EBF1: variants seen among roughly 807,000 people sequenced by gnomAD.
EBF1 encodes EBF transcription factor 1.
A neutral mutation model predicts 68.4 loss-of-function variants in EBF1; 10 were observed. That is an observed-to-expected ratio of 0.15 (90% CI 0.09 to 0.25). EBF1 has a LOEUF of 0.25. Ranked by LOEUF, EBF1 falls within the 10% of genes least tolerant of loss-of-function variation. The probability of loss-of-function intolerance (pLI) is 1.00; values close to 1 mark genes in which losing one functional copy is unlikely to be tolerated. For missense variants in EBF1, 509 were observed against 794.4 expected, an observed-to-expected ratio of 0.64 and a Z score of 4.32; for synonymous variants, 298 against 299.8, an observed-to-expected ratio of 0.99 and a Z score of 0.06.
chr5:159,084,642 G>A (rs372149408), intron 5 of EBF1, 24 bp downstream of exon 5: 68 of 1,519,212 alleles, frequency 4.5e-5, no homozygotes, highest in Middle Eastern at 1.7e-4. Context: ...GCTAATTAAC[G>A]GGAGAGACCA....
At chr5:158,811,706 ACT>A (rs1561997452) in intron 8 of EBF1, among the ~76,000 whole-genome samples, 1 of 152,238 alleles carries the variant, frequency 6.6e-6, no homozygotes, top group African/African-American at 2.4e-5. Context: ...TTTTATGGAC[ACT>A]GAGTTCTGTT....
intron 6 of EBF1, among the ~76,000 whole-genome samples, chr5:158,990,015 A>G (rs1477622227): frequency 6.6e-6 from 1 of 152,176 alleles, no homozygotes; most frequent in Non-Finnish European, 1.5e-5. Flanking sequence ...AAACACAACA[A>G]CACTTCAGAG....
In EBF1 at chr5:158,996,271, G is replaced by A. The variant is rs115883484; in HGVS notation, c.554+77125C>T. The stretch of plus-strand genomic sequence containing the variant: ...TTTAACCAGATCAACAAACATGTCC[G>A]GGACTTTATAAATAACTTGTAAGCA... On this transcript the variant is annotated intron_variant, in intron 6 of 15. Coordinates refer to ENST00000313708, the MANE Select transcript of EBF1 (RefSeq NM_024007.5). Among the ~76,000 whole-genome samples, 305 of 152,252 alleles carry A rather than the reference G, an allele frequency of 2.0e-3. 1 individual carries two copies. The highest frequency in any genetic ancestry group is 3.6e-3 in the Non-Finnish European group (242 of 68,022).
intron 6 of EBF1, among the ~76,000 whole-genome samples, chr5:158,884,260 T>C (rs1188212473): frequency 1.3e-5 from 2 of 152,216 alleles, no homozygotes; most frequent in Admixed American, 6.5e-5. Context: ...AAGTGAGGCA[T>C]AGTGGAATAA....
chr5:158,869,161 G>A (rs1036410015), intron 6 of EBF1, among the ~76,000 whole-genome samples: 4 of 152,124 alleles, frequency 2.6e-5, no homozygotes, highest in African/African-American at 4.8e-5. Context: ...AACTCTGGCC[G>A]CCGTATGGAA....
At chr5:159,015,893 A>T (rs1246842160) in intron 6 of EBF1, among the ~76,000 whole-genome samples, 2 of 152,232 alleles carry the variant, frequency 1.3e-5, no homozygotes, top group Non-Finnish European at 2.9e-5. Context: ...CACTTAGATT[A>T]CCCATAAAAC....
At chr5:158,701,497 C>A (rs1054371255) in intron 15 of EBF1, among the ~76,000 whole-genome samples, 6 of 152,140 alleles carry the variant, frequency 3.9e-5, no homozygotes, top group Admixed American at 1.3e-4. Context: ...TAGTTAACAG[C>A]GCTTTTTATT....
chr5:159,075,917 C>A (rs1257005737), intron 5 of EBF1, among the ~76,000 whole-genome samples: 1 of 152,182 alleles, frequency 6.6e-6, no homozygotes, highest in African/African-American at 2.4e-5. Flanking sequence ...CGGGCCTCTC[C>A]TCCAACCCTT....
At chr5:159,010,460 C>G (rs4244438) in intron 6 of EBF1, among the ~76,000 whole-genome samples, 40,328 of 151,828 alleles carry the variant, frequency 0.27, 5,621 homozygotes, top group South Asian at 0.44. Flanking sequence ...ATGGTCTATG[C>G]TAGGTTTAAA....
intron 4 of EBF1, among the ~76,000 whole-genome samples, chr5:159,094,193 A>AC (rs1782169237): frequency 7.1e-6 from 1 of 141,836 alleles, no homozygotes; most frequent in African/African-American, 2.7e-5. Context: ...AAAAAAAAAA[A>AC]ACACAGTGTC....
chr5:158,915,164 T>C (rs1329937199), intron 6 of EBF1, among the ~76,000 whole-genome samples: 1 of 152,136 alleles, frequency 6.6e-6, no homozygotes, highest in African/African-American at 2.4e-5. Context: ...CACAAGCTAA[T>C]GAACTTCAGA....
chr5:158,878,315 T>C (rs1000634146), intron 6 of EBF1, among the ~76,000 whole-genome samples: 2 of 152,064 alleles, frequency 1.3e-5, no homozygotes, highest in African/African-American at 2.4e-5. Context: ...ACTGGTTAGA[T>C]TGGAGGGACT....
At chr5:158,840,181 C>A in intron 6 of EBF1, 71 bp from the exon 7 acceptor site, 8 of 1,167,496 alleles carry the variant, frequency 6.9e-6, no homozygotes, top group Non-Finnish European at 1.0e-5. Context: ...AGGTAAGTCA[C>A]CCCTGGGTTG....
intron 6 of EBF1, among the ~76,000 whole-genome samples, chr5:158,965,616 T>C (rs185396810): frequency 2.9e-4 from 44 of 152,352 alleles, no homozygotes; most frequent in African/African-American, 1.0e-3. Flanking sequence ...ACAGCTTTTG[T>C]AAATGTTGAT....
At chr5:158,715,222 G>A (rs1334636207) in intron 11 of EBF1, among the ~76,000 whole-genome samples, 1 of 152,160 alleles carries the variant, frequency 6.6e-6, no homozygotes, top group Non-Finnish European at 1.5e-5. Flanking sequence ...TTGACTGTGG[G>A]TAAAGTTTCA....
At chr5:158,750,419 C>T (rs1451029728) in intron 10 of EBF1, among the ~76,000 whole-genome samples, 1 of 151,912 alleles carries the variant, frequency 6.6e-6, no homozygotes, top group Admixed American at 6.6e-5. Flanking sequence ...TATGAATTCC[C>T]TCTGATCTAT....
intron 6 of EBF1, among the ~76,000 whole-genome samples, chr5:158,972,690 C>T (rs1235538271): frequency 3.9e-5 from 6 of 152,200 alleles, no homozygotes; most frequent in East Asian, 1.9e-4. Context: ...CCTCCACTTT[C>T]GATGGCTTCC....
At position 159,099,576 on chromosome 5, in the gene EBF1, C is replaced by G. The variant is rs1237914456; in HGVS notation, c.-98G>C. On this transcript the variant is annotated 5_prime_UTR_variant, in exon 1 of 16. Transcript: ENST00000313708. ...AGAAAGAAAAGAAAAGAAACAAAAA[C>G]GCCAACCAGAGATTTTTTTTTTTCT... 3 of 1,341,616 alleles carry G rather than the reference C, an allele frequency of 2.2e-6. No homozygotes were observed. The highest frequency in any genetic ancestry group is 1.6e-5 in the African/African-American group (1 of 64,202). The allele number at this position is 1,341,616 out of a possible 1,614,324, so 83.1% of individuals were successfully genotyped here. A position where few individuals can be genotyped will look rare whatever the true frequency, so the allele number is the denominator to read the frequency against.
At position 159,002,875 on chromosome 5, in the gene EBF1, G is replaced by A. The variant is rs932835888; in HGVS notation, c.554+70521C>T. Among the ~76,000 whole-genome samples the A allele has an allele frequency of 6.6e-5, 10 of 152,214 alleles. No homozygotes were observed. The South Asian group carries it at 2.1e-3, about 32-fold the overall frequency. Reference sequence around the variant, plus strand: ...AATCATAAGGAAAGAAAGCAATAGAGTGGATGGAGAGCTAGAGGACTAATT... The same window carrying A: ...AATCATAAGGAAAGAAAGCAATAGAATGGATGGAGAGCTAGAGGACTAATT... On this transcript the variant is annotated intron_variant, in intron 6 of 15. Transcript: ENST00000313708.
Sources: allele counts gnomAD v4.1 joint callset (sites outside exome capture counted in the v4.1 genomes callset), GRCh38; gene constraint gnomAD v4.1.1; transcripts MANE v1.5; gene names NCBI Gene and HGNC (gene_info 2026-07-23, HGNC 2026-07-21).